The following SHISA6 variants were observed in gnomAD, a reference collection of about 807,000 sequenced individuals.
SHISA6 encodes shisa family member 6.
In SHISA6, 22 loss-of-function variants were observed where a neutral mutation model predicts 47.9. The observed-to-expected ratio is 0.46, with a 90% CI of 0.33 to 0.66. SHISA6 has a LOEUF of 0.66. Among genes scored for constraint, SHISA6 ranks in the 30% least tolerant of loss-of-function variants. The pLI is 0.02. For synonymous variants in SHISA6, 388 were observed against 337.8 expected, an observed-to-expected ratio of 1.15 and a Z score of -1.63; for missense variants, 680 against 764.6, an observed-to-expected ratio of 0.89 and a Z score of 1.30.
chr17:11,427,429 G>A (rs1029664366), intron 3 of SHISA6, among the ~76,000 whole-genome samples: 2 of 151,928 alleles, frequency 1.3e-5, no homozygotes, highest in Non-Finnish European at 2.9e-5. Context: ...CACCGCGCCC[G>A]GCCCTTCCTC....
rs1371823991 is a variant in SHISA6 at position 11,436,628 on chromosome 17, C to T, written c.895+57119C>T. Among the ~76,000 whole-genome samples, 3 of 152,146 alleles carry T rather than the reference C, an allele frequency of 2.0e-5. No individual in the cohort carries two copies. In the East Asian group the frequency reaches 5.8e-4, roughly 29 times the overall value. On this transcript the variant is annotated intron_variant, in intron 3 of 5. Coordinates refer to ENST00000441885, the MANE Select transcript of SHISA6 (RefSeq NM_207386.4). ...TGCTTTTTCTGCTCGACTTTAAACACCATGAGGGGAGGCACTCTCATGAAC... is the reference window on the plus strand; with the variant it reads ...TGCTTTTTCTGCTCGACTTTAAACATCATGAGGGGAGGCACTCTCATGAAC...
intron 3 of SHISA6, among the ~76,000 whole-genome samples, chr17:11,422,466 T>TC (rs1914475090): frequency 6.6e-6 from 1 of 152,090 alleles, no homozygotes; most frequent in Admixed American, 6.5e-5. Context: ...CAAGAGTACA[T>TC]CTAGGCCAGG....
At chr17:11,456,720 C>T (rs1915548077) in intron 3 of SHISA6, among the ~76,000 whole-genome samples, 1 of 152,158 alleles carries the variant, frequency 6.6e-6, no homozygotes, top group African/African-American at 2.4e-5. Context: ...CCCCTCTGCA[C>T]ACGAAGAACT....
chr17:11,298,333 A>C (rs1284913391), intron 2 of SHISA6, among the ~76,000 whole-genome samples: 2 of 152,328 alleles, frequency 1.3e-5, no homozygotes, highest in East Asian at 3.9e-4. Flanking sequence ...GGCCAGACTG[A>C]GTGCCCAGTG....
chr17:11,370,555 G>T (rs1263598191), intron 2 of SHISA6, among the ~76,000 whole-genome samples: 1 of 152,162 alleles, frequency 6.6e-6, no homozygotes, highest in Non-Finnish European at 1.5e-5. Context: ...CTTTCGGGAG[G>T]ATCCACCCAC....
At chr17:11,332,609 G>A (rs569434942) in intron 2 of SHISA6, among the ~76,000 whole-genome samples, 9 of 152,186 alleles carry the variant, frequency 5.9e-5, no homozygotes, top group South Asian at 4.1e-4. Context: ...TCTCCCTTTC[G>A]CAGGCTCAGG....
Position 11,558,117 on chromosome 17 carries a change from A to C in SHISA6, c.1469A>C (p.Tyr490Ser). 1 of 1,551,434 alleles carries C rather than the reference A, an allele frequency of 6.4e-7. No homozygotes were observed. The highest frequency in any genetic ancestry group is 8.7e-7 in the Non-Finnish European group (1 of 1,147,008). Reference protein sequence around the residue: ...VFVSTPVLDRYRMSKMHSHPS... With the variant: ...VFVSTPVLDRSRMSKMHSHPS... ...GTGTCCACACCCGTGCTGGACCGCT[A>C]CCGCATGAGCAAGATGCACTCTCAT... The change falls in exon 6 of 6, where the codon TAC (tyrosine) becomes TCC (serine). Residue 490 changes from tyrosine (Y) to serine (S), a missense_variant. By Grantham distance (144) the Tyr-to-Ser change is moderately radical. This residue lies in a region of SHISA6 where 559 missense variants were observed against 674.1 expected (regional missense o/e 0.83). Coordinates refer to ENST00000441885, the MANE Select transcript of SHISA6 (RefSeq NM_207386.4).
intron 2 of SHISA6, among the ~76,000 whole-genome samples, chr17:11,269,436 G>A (rs1289455012): frequency 2.0e-5 from 3 of 152,174 alleles, no homozygotes; most frequent in South Asian, 2.1e-4. Context: ...TGGGAGCTTC[G>A]CTTCCATGGC....
At chr17:11,522,299 T>C (rs937210001) in intron 3 of SHISA6, among the ~76,000 whole-genome samples, 2 of 152,114 alleles carry the variant, frequency 1.3e-5, no homozygotes, top group Admixed American at 6.6e-5. Context: ...AGGGTCGCTT[T>C]GTCGCCCAGA....
intron 3 of SHISA6, among the ~76,000 whole-genome samples, chr17:11,540,495 G>T (rs1018301992): frequency 6.6e-6 from 1 of 152,078 alleles, no homozygotes; most frequent in Non-Finnish European, 1.5e-5. Flanking sequence ...CATCACTCAG[G>T]CCCAGTTTGG....
At chr17:11,311,104 CTCA>C (rs1567568793) in intron 2 of SHISA6, among the ~76,000 whole-genome samples, 21 of 54,582 alleles carry the variant, frequency 3.8e-4, no homozygotes, top group Non-Finnish European at 3.1e-5. Context: ...GAGACTCCAT[CTCA>C]AAAAAAAAAA....
chr17:11,383,830 G>T (rs1259810160), intron 3 of SHISA6, among the ~76,000 whole-genome samples: 1 of 152,080 alleles, frequency 6.6e-6, no homozygotes, highest in Non-Finnish European at 1.5e-5. Context: ...ATGACCATGA[G>T]TTTAGGCCAA....
intron 3 of SHISA6, among the ~76,000 whole-genome samples, chr17:11,421,038 C>T (rs185374183): frequency 2.5e-4 from 38 of 152,298 alleles, no homozygotes; most frequent in African/African-American, 8.4e-4. Flanking sequence ...AAGCCCATTT[C>T]TCCTCATCCC....
intron 3 of SHISA6, among the ~76,000 whole-genome samples, chr17:11,388,539 C>A (rs184536340): frequency 6.6e-6 from 1 of 151,926 alleles, no homozygotes; most frequent in Non-Finnish European, 1.5e-5. Context: ...ATACGGAGAA[C>A]CTGTCATTGC....
chr17:11,476,788 G>A (rs1192452172), intron 3 of SHISA6, among the ~76,000 whole-genome samples: 1 of 152,032 alleles, frequency 6.6e-6, no homozygotes, highest in Non-Finnish European at 1.5e-5. Flanking sequence ...AATTGATGGT[G>A]TTATTGAGTT....
intron 3 of SHISA6, among the ~76,000 whole-genome samples, chr17:11,445,081 C>T (rs1915194145): frequency 1.3e-5 from 2 of 152,070 alleles, no homozygotes; most frequent in Admixed American, 1.3e-4. Context: ...GGATGTGACA[C>T]TAAAGCAAAA....
intron 1 of SHISA6, among the ~76,000 whole-genome samples, chr17:11,251,575 T>G (rs902167143): frequency 6.6e-6 from 1 of 152,112 alleles, no homozygotes; most frequent in Non-Finnish European, 1.5e-5. Context: ...CTAGTTTTAA[T>G]TACTGAGATG....
At chr17:11,518,111 G>A (rs983281458) in intron 3 of SHISA6, among the ~76,000 whole-genome samples, 3 of 152,158 alleles carry the variant, frequency 2.0e-5, no homozygotes, top group Admixed American at 1.3e-4. Flanking sequence ...AGGTGGCGTG[G>A]TGCCGTGGTC....
At chr17:11,510,258 G>A (rs1177988537) in intron 3 of SHISA6, among the ~76,000 whole-genome samples, 2 of 152,010 alleles carry the variant, frequency 1.3e-5, no homozygotes, top group Non-Finnish European at 2.9e-5. Flanking sequence ...CTAACCACTC[G>A]AAAAGGTCTG....
Sources: gnomAD v4.1 joint callset for allele counts (sites outside exome capture counted in the v4.1 genomes callset) on GRCh38, gnomAD v4.1.1 for gene constraint, gnomAD v4.1.1 regional missense constraint, MANE v1.5 for transcripts, NCBI Gene and HGNC (gene_info 2026-07-23, HGNC 2026-07-21) for gene names.